MGMT: variants seen among roughly 807,000 people sequenced by gnomAD.
MGMT encodes the protein methylated-DNA--protein-cysteine methyltransferase.
A neutral mutation model predicts 15.9 loss-of-function variants in MGMT; 14 were observed. That is an observed-to-expected ratio of 0.88 (90% CI 0.58 to 1.37). MGMT has a LOEUF of 1.37. Ranked by LOEUF, MGMT falls within the 40% of genes most tolerant of loss-of-function variation. The probability of loss-of-function intolerance (pLI) is 0.00; values close to 1 mark genes in which losing one functional copy is unlikely to be tolerated. For missense variants in MGMT, 282 were observed against 268.1 expected, an observed-to-expected ratio of 1.05 and a Z score of -0.36; for synonymous variants, 130 against 118.2, an observed-to-expected ratio of 1.10 and a Z score of -0.65.
intron 1 of MGMT, 194 bp downstream of exon 1, chr10:129,467,490 G>T: frequency 1.1e-6 from 1 of 933,876 alleles, no homozygotes; most frequent in Non-Finnish European, 1.3e-6. Flanking sequence ...CCCCGGGCCT[G>T]GGGTTCCTGG....
Position 129,766,941 on chromosome 10 carries a change from G to C in MGMT, c.568G>C (p.Ala190Pro). The change falls in exon 5 of 5, where the codon GCC (alanine) becomes CCC (proline). Residue 190 changes from alanine to proline, a missense_variant. Coordinates refer to ENST00000651593, the MANE Select transcript of MGMT (RefSeq NM_002412.5). Reference sequence around the variant, plus strand: ...GGGAGGGAGCTCAGGTCTGGCAGGGGCCTGGCTCAAGGGAGCGGGAGCTAC... The same window carrying C: ...GGGAGGGAGCTCAGGTCTGGCAGGGCCCTGGCTCAAGGGAGCGGGAGCTAC... ...GLGGSSGLAG[A>P]WLKGAGATSG... 6.2e-7 allele frequency: 1 copy of C among 1,613,052 alleles called. No homozygotes were observed. Among genetic ancestry groups the C allele is most frequent in the Non-Finnish European group, 8.5e-7 (1 of 1,179,852 alleles).
At chr10:129,557,084 G>A (rs998561065) in intron 2 of MGMT, among the ~76,000 whole-genome samples, 5 of 152,128 alleles carry the variant, frequency 3.3e-5, no homozygotes, top group African/African-American at 4.8e-5. Context: ...GGAGTGGAGC[G>A]GGAAATACAG....
intron 2 of MGMT, among the ~76,000 whole-genome samples, chr10:129,598,041 C>A (rs1404523242): frequency 6.6e-6 from 1 of 152,092 alleles, no homozygotes; most frequent in East Asian, 1.9e-4. Context: ...CAGTCAGGTC[C>A]ACCATGTGGA....
chr10:129,619,277 A>G (rs984897547), intron 2 of MGMT, among the ~76,000 whole-genome samples: 3 of 152,190 alleles, frequency 2.0e-5, no homozygotes, highest in African/African-American at 7.2e-5. Flanking sequence ...TCTAATGCTC[A>G]ACAAACCTTG....
intron 1 of MGMT, among the ~76,000 whole-genome samples, chr10:129,494,716 C>A (rs1845503489): frequency 6.6e-6 from 1 of 152,158 alleles, no homozygotes; most frequent in South Asian, 2.1e-4. Context: ...CTAACAGCTG[C>A]GTATGGACAC....
chr10:129,598,046 T>C (rs1165214092), intron 2 of MGMT, among the ~76,000 whole-genome samples: 1 of 152,032 alleles, frequency 6.6e-6, no homozygotes, highest in African/African-American at 2.4e-5. Context: ...AGGTCCACCA[T>C]GTGGAAGTGC....
At chr10:129,520,992 T>TGCGCGTACGGGGCCCCTACGGC (rs1246395602) in intron 1 of MGMT, among the ~76,000 whole-genome samples, 1,892 of 147,746 alleles carry the variant, frequency 0.013, 17 homozygotes, top group African/African-American at 0.025. Context: ...GCCCCTACGG[T>TGCGCGTACGGGGCCCCTACGGC]GCGCGTACGG....
At chr10:129,478,961 G>A (rs148537008) in intron 1 of MGMT, among the ~76,000 whole-genome samples, 1 of 152,284 alleles carries the variant, frequency 6.6e-6, no homozygotes, top group Non-Finnish European at 1.5e-5. Context: ...ATCTTATCCT[G>A]TAATTATTAA....
chr10:129,679,194 C>A (rs1847819668), intron 2 of MGMT, among the ~76,000 whole-genome samples: 1 of 152,040 alleles, frequency 6.6e-6, no homozygotes. Context: ...TCTTAGAAAA[C>A]TTGATTTGAT....
At chr10:129,553,575 A>C (rs890632936) in intron 2 of MGMT, among the ~76,000 whole-genome samples, 1 of 152,208 alleles carries the variant, frequency 6.6e-6, no homozygotes, top group South Asian at 2.1e-4. Flanking sequence ...GCAAACGCTG[A>C]TGGAGCTTTC....
intron 2 of MGMT, among the ~76,000 whole-genome samples, chr10:129,562,287 C>T (rs558367056): frequency 5.3e-5 from 8 of 152,278 alleles, no homozygotes; most frequent in East Asian, 3.9e-4. Context: ...GTCTTTGGGA[C>T]GCCATTCGAA....
chr10:129,680,482 C>T (rs935176254), intron 2 of MGMT, among the ~76,000 whole-genome samples: 2 of 152,154 alleles, frequency 1.3e-5, no homozygotes, highest in African/African-American at 2.4e-5. Flanking sequence ...AAGGCAGACT[C>T]AGGAAGGTTC....
rs144577828 is a variant in MGMT at position 129,717,018 on chromosome 10, G to A, written c.274+8975G>A. On this transcript the variant is annotated intron_variant, in intron 3 of 4. Coordinates refer to ENST00000651593, the MANE Select transcript of MGMT (RefSeq NM_002412.5). ...GGCCAGCTGTGCCGCTCCACTCTCC[G>A]AATCACTTTGTGCATTTTAGTAGCA... is the stretch of plus-strand genomic sequence containing the variant. 5.8e-3 allele frequency among the ~76,000 whole-genome samples: 878 copies of A among 152,312 alleles called. 15 individuals are homozygous for A. Among genetic ancestry groups the A allele is most frequent in the South Asian group, 0.011 (52 of 4,822 alleles).
intron 3 of MGMT, among the ~76,000 whole-genome samples, chr10:129,726,957 G>T (rs1848441131): frequency 1.3e-5 from 2 of 152,190 alleles, no homozygotes; most frequent in Non-Finnish European, 2.9e-5. Context: ...TGCAAAAACT[G>T]TTGGAGCTGA....
At chr10:129,758,947 G>A (rs1848838179) in intron 3 of MGMT, among the ~76,000 whole-genome samples, 1 of 152,244 alleles carries the variant, frequency 6.6e-6, no homozygotes, top group African/African-American at 2.4e-5. Context: ...ACGGGAAGAT[G>A]GAAAGAAATT....
intron 1 of MGMT, among the ~76,000 whole-genome samples, chr10:129,525,167 A>T (rs1235259286): frequency 6.6e-6 from 1 of 152,146 alleles, no homozygotes; most frequent in African/African-American, 2.4e-5. Context: ...TTGCTGACTG[A>T]TTTCCTGCTT....
At chr10:129,670,901 C>T (rs1386473105) in intron 2 of MGMT, among the ~76,000 whole-genome samples, 1 of 152,216 alleles carries the variant, frequency 6.6e-6, no homozygotes, top group Admixed American at 6.5e-5. Flanking sequence ...AAAATTATCT[C>T]AATTTACTTG....
chr10:129,665,770 T>G (rs1847652198), intron 2 of MGMT, among the ~76,000 whole-genome samples: 1 of 152,202 alleles, frequency 6.6e-6, no homozygotes, highest in Non-Finnish European at 1.5e-5. Flanking sequence ...TAAAAAATGT[T>G]AATGTCATGA....
intron 2 of MGMT, among the ~76,000 whole-genome samples, chr10:129,617,350 G>C (rs546106127): frequency 6.6e-6 from 1 of 152,082 alleles, no homozygotes; most frequent in Non-Finnish European, 1.5e-5. Flanking sequence ...TTTAGGTTTA[G>C]TCCATGTCTT....
Sources: gnomAD v4.1 joint callset for allele counts (sites outside exome capture counted in the v4.1 genomes callset) on GRCh38, gnomAD v4.1.1 for gene constraint, MANE v1.5 for transcripts, NCBI Gene and HGNC (gene_info 2026-07-23, HGNC 2026-07-21) for gene names.